Variants in UBE2D2 observed in about 807,000 individuals in gnomAD.
UBE2D2 encodes ubiquitin conjugating enzyme E2 D2, also known as ubiquitin-conjugating enzyme E2 D2.
In UBE2D2, 2 loss-of-function variants were observed where a neutral mutation model predicts 24.2. That is an observed-to-expected ratio of 0.08 (90% confidence interval 0.03 to 0.26). The LOEUF (loss-of-function observed/expected upper bound fraction) is 0.26, where lower values mean the gene tolerates loss of function less well. UBE2D2 is among the 10% of genes least tolerant of loss of function. The pLI, the probability that UBE2D2 is intolerant of heterozygous loss-of-function variation, is 1.00. For synonymous variants in UBE2D2, 58 were observed against 56.5 expected, an observed-to-expected ratio of 1.03 and a Z score of -0.12; for missense variants, 44 against 177.6, an observed-to-expected ratio of 0.25 and a Z score of 4.28.
At chr5:139,527,756 T>TA (rs1304943354) in intron 1 of UBE2D2, among the ~76,000 whole-genome samples, 1 of 152,208 alleles carries the variant, frequency 6.6e-6, no homozygotes, top group African/African-American at 2.4e-5. Context: ...AAAATTTTAT[T>TA]AAAAAAATTT....
chr5:139,588,136 TC>T (rs1438750312), intron 1 of UBE2D2, among the ~76,000 whole-genome samples: 1 of 150,836 alleles, frequency 6.6e-6, no homozygotes, highest in African/African-American at 2.4e-5. Flanking sequence ...GCTAAATGTT[TC>T]TATTTTGTAG....
chr5:139,557,278 C>T (rs1752992321), upstream of UBE2D2, among the ~76,000 whole-genome samples: 1 of 151,892 alleles, frequency 6.6e-6, no homozygotes. Flanking sequence ...GGATTAAAGG[C>T]AGCACCACCA....
At chr5:139,534,413 A>G (rs2126628315) in intron 1 of UBE2D2, among the ~76,000 whole-genome samples, 1 of 152,018 alleles carries the variant, frequency 6.6e-6, no homozygotes, top group Non-Finnish European at 1.5e-5. Flanking sequence ...AAAAATACAA[A>G]CCATTAGCCG....
chr5:139,591,049 A>G (rs1485922270), intron 1 of UBE2D2, among the ~76,000 whole-genome samples: 1 of 150,742 alleles, frequency 6.6e-6, no homozygotes, highest in Non-Finnish European at 1.5e-5. Flanking sequence ...CGCCTGCCTC[A>G]ACATCCCAAA....
chr5:139,549,595 G>A (rs977072650), intron 1 of UBE2D2, among the ~76,000 whole-genome samples: 5 of 152,218 alleles, frequency 3.3e-5, no homozygotes, highest in Non-Finnish European at 5.9e-5. Context: ...CAGGGCTAGG[G>A]ATCTGCAGCC....
At chr5:139,540,545 CAAA>C (rs540123430) in intron 1 of UBE2D2, among the ~76,000 whole-genome samples, 3 of 94,514 alleles carry the variant, frequency 3.2e-5, no homozygotes, top group Non-Finnish European at 2.3e-5. Flanking sequence ...GACTCCATCT[CAAA>C]AAAAAAAAAA....
chr5:139,595,698 C>T (rs567838685), intron 1 of UBE2D2, among the ~76,000 whole-genome samples: 14 of 151,692 alleles, frequency 9.2e-5, no homozygotes, highest in Admixed American at 7.9e-4. Flanking sequence ...TTGCACAGAC[C>T]CAGTTGGTTA....
intron 5 of UBE2D2, among the ~76,000 whole-genome samples, chr5:139,615,927 C>T (rs796756728): frequency 1.3e-5 from 2 of 149,732 alleles, no homozygotes; most frequent in African/African-American, 2.5e-5. Flanking sequence ...CCTCCACCTC[C>T]CGGGTTCAAG....
chr5:139,575,522 C>T (rs1753451705), intron 1 of UBE2D2, among the ~76,000 whole-genome samples: 2 of 152,182 alleles, frequency 1.3e-5, no homozygotes, highest in African/African-American at 4.8e-5. Flanking sequence ...TATTCTTCAG[C>T]AAACTTCAAA....
intron 1 of UBE2D2, among the ~76,000 whole-genome samples, chr5:139,543,605 T>C (rs937381536): frequency 3.3e-5 from 5 of 152,350 alleles, no homozygotes; most frequent in African/African-American, 1.2e-4. Context: ...GGGGCCTGGC[T>C]GCAGAGGCAG....
At chr5:139,560,696 G>C (rs2126644693), upstream of UBE2D2, among the ~76,000 whole-genome samples, 1 of 152,284 alleles carries the variant, frequency 6.6e-6, no homozygotes, top group Non-Finnish European at 1.5e-5. Flanking sequence ...TACAGTGCTT[G>C]CTTGTAACAA....
chr5:139,541,095 C>T (rs907131357), intron 1 of UBE2D2, among the ~76,000 whole-genome samples: 8 of 151,804 alleles, frequency 5.3e-5, no homozygotes, highest in Admixed American at 2.0e-4. Context: ...GTCATGAGTT[C>T]GAGAGCAGCC....
At chr5:139,592,514 C>T (rs1409746455) in intron 1 of UBE2D2, among the ~76,000 whole-genome samples, 1 of 151,464 alleles carries the variant, frequency 6.6e-6, no homozygotes, top group Non-Finnish European at 1.5e-5. Context: ...AATAAGCTTC[C>T]TTGTGATGGT....
At chr5:139,535,909 T>C (rs1364933117) in intron 1 of UBE2D2, among the ~76,000 whole-genome samples, 3 of 151,844 alleles carry the variant, frequency 2.0e-5, no homozygotes, top group Admixed American at 2.0e-4. Context: ...TTTCTTTTTT[T>C]TGAGATGGAG....
intron 1 of UBE2D2, among the ~76,000 whole-genome samples, chr5:139,552,792 C>G (rs1434875652): frequency 6.6e-6 from 1 of 151,556 alleles, no homozygotes; most frequent in Non-Finnish European, 1.5e-5. Context: ...AAGCGATTCT[C>G]CTTCCTCAGC....
intron 2 of UBE2D2, among the ~76,000 whole-genome samples, chr5:139,603,623 GAAAAAA>G (rs1169340176): frequency 8.1e-5 from 3 of 37,230 alleles, no homozygotes; most frequent in South Asian, 1.2e-3. Context: ...CTCTGTCTCC[GAAAAAA>G]AAAAAAAAAA....
chr5:139,544,110 C>G (rs1752790520), intron 1 of UBE2D2, among the ~76,000 whole-genome samples: 1 of 151,588 alleles, frequency 6.6e-6, no homozygotes, highest in African/African-American at 2.4e-5. Flanking sequence ...ACAGGGATAA[C>G]TAAGTAACTG....
chr5:139,527,058 T>C (rs1752549641), intron 1 of UBE2D2, among the ~76,000 whole-genome samples: 1 of 152,212 alleles, frequency 6.6e-6, no homozygotes, highest in East Asian at 1.9e-4. Flanking sequence ...CTGGGAACTA[T>C]GTTAAAAAAA....
chr5:139,538,897 A>G (rs1752720890), intron 1 of UBE2D2, among the ~76,000 whole-genome samples: 1 of 152,042 alleles, frequency 6.6e-6, no homozygotes, highest in Middle Eastern at 3.2e-3. Context: ...TTTTCATTAT[A>G]TGTATATTAC....
Sources: gnomAD v4.1 joint callset for allele counts (sites outside exome capture counted in the v4.1 genomes callset) on GRCh38, gnomAD v4.1.1 for gene constraint, MANE v1.5 for transcripts, NCBI Gene and HGNC (gene_info 2026-07-23, HGNC 2026-07-21) for gene names.